ERC2: variants seen among roughly 807,000 people sequenced by gnomAD.
ERC2 encodes the protein ELKS/RAB6-interacting/CAST family member 2, also known as ERC protein 2.
A neutral mutation model predicts 114.8 loss-of-function variants in ERC2; 42 were observed. That is an observed-to-expected ratio of 0.37 (90% CI 0.29 to 0.47). The LOEUF (loss-of-function observed/expected upper bound fraction) is 0.47, where lower values mean the gene tolerates loss of function less well. Among genes scored for constraint, ERC2 ranks in the 20% least tolerant of loss-of-function variants. The pLI, the probability that ERC2 is intolerant of heterozygous loss-of-function variation, is 0.99. For synonymous variants in ERC2, 454 were observed against 425.5 expected, an observed-to-expected ratio of 1.07 and a Z score of -0.82; for missense variants, 939 against 1,150.7, an observed-to-expected ratio of 0.82 and a Z score of 2.66.
intron 15 of ERC2, among the ~76,000 whole-genome samples, chr3:55,705,046 G>A (rs1484302718): frequency 6.6e-6 from 1 of 152,156 alleles, no homozygotes; most frequent in Non-Finnish European, 1.5e-5. Flanking sequence ...GAGTCCTACA[G>A]CAGTGTCATG....
At position 56,434,731 on chromosome 3, in the gene ERC2, C is replaced by T. The variant is rs372270187; in HGVS notation, c.277G>A (p.Gly93Ser). Residue 93 changes from glycine (G) to serine (S), a missense_variant, in exon 2 of 18, where the codon GGC (glycine) becomes AGC (serine). Physicochemically the swap from Gly to Ser is moderately conservative, Grantham distance 56 (BLOSUM62 0). Transcript: ENST00000288221. ...GRATNRAVYG[G>S]RVTAMGSSPN... The stretch of plus-strand genomic sequence containing the variant: ...CTACTCCCCATGGCTGTGACACGGC[C>T]TCCATATACAGCTCGATTTGTAGCC... 1.2e-6 allele frequency: 2 copies of T among 1,613,850 alleles called. No homozygotes were observed. Among genetic ancestry groups the T allele is most frequent in the Non-Finnish European group, 1.7e-6 (2 of 1,179,896 alleles).
chr3:56,222,624 C>T (rs1374444676), intron 3 of ERC2, among the ~76,000 whole-genome samples: 12 of 152,096 alleles, frequency 7.9e-5, no homozygotes, highest in African/African-American at 2.7e-4. Flanking sequence ...ATTTTTGGCT[C>T]CCCTAGAATG....
chr3:56,187,668 G>A (rs2083708342), intron 3 of ERC2, among the ~76,000 whole-genome samples: 1 of 152,152 alleles, frequency 6.6e-6, no homozygotes, highest in African/African-American at 2.4e-5. Context: ...GTTATAGACA[G>A]CAGTCAGAAA....
chr3:55,960,877 G>A (rs1812146), intron 12 of ERC2, among the ~76,000 whole-genome samples: 37,055 of 152,274 alleles, frequency 0.24, 5,054 homozygotes, highest in Admixed American at 0.33. Flanking sequence ...GCTCATGCCT[G>A]TAATCCTAGC....
At chr3:55,717,554 T>C (rs2064196363) in intron 15 of ERC2, among the ~76,000 whole-genome samples, 1 of 152,176 alleles carries the variant, frequency 6.6e-6, no homozygotes, top group South Asian at 2.1e-4. Context: ...AGCAGGCACA[T>C]ATACTAACTT....
chr3:55,553,123 G>A (rs2055343951), intron 17 of ERC2, among the ~76,000 whole-genome samples: 2 of 137,194 alleles, frequency 1.5e-5, no homozygotes, highest in African/African-American at 5.3e-5. Flanking sequence ...CCAGGTTCAA[G>A]TGATGCTCCT....
chr3:55,984,762 C>A (rs1034402945), intron 12 of ERC2, among the ~76,000 whole-genome samples: 9 of 152,138 alleles, frequency 5.9e-5, no homozygotes, highest in African/African-American at 1.7e-4. Context: ...CGCTTTCCTG[C>A]ACCGCGATGA....
In ERC2 at chr3:56,313,132, A is replaced by G. The variant is rs1313589956; in HGVS notation, c.658-16697T>C. 2.7e-5 allele frequency among the ~76,000 whole-genome samples: 4 copies of G among 148,070 alleles called. No individual in the cohort carries two copies. In the East Asian group the frequency reaches 8.0e-4, roughly 30 times the overall value. ...CAGCATACCATAAAAAAGTAATATG[A>G]ATGGACAAAAAAAAAAGAGAGGAAA... is the stretch of plus-strand genomic sequence containing the variant. On this transcript the variant is annotated intron_variant, in intron 2 of 17. Transcript: ENST00000288221.
At chr3:55,880,245 C>T (rs2063055176) in intron 14 of ERC2, among the ~76,000 whole-genome samples, 1 of 152,166 alleles carries the variant, frequency 6.6e-6, no homozygotes, top group Non-Finnish European at 1.5e-5. Context: ...CTAGTGATTA[C>T]AAAGCTACTT....
At chr3:56,131,196 AT>A (rs1040703087) in intron 6 of ERC2, among the ~76,000 whole-genome samples, 15 of 152,272 alleles carry the variant, frequency 9.9e-5, no homozygotes, top group African/African-American at 3.4e-4. Flanking sequence ...TTGCAGGTTT[AT>A]GTCTTTTTCT....
At chr3:55,878,786 A>C (rs577482696) in intron 14 of ERC2, among the ~76,000 whole-genome samples, 171 of 152,350 alleles carry the variant, frequency 1.1e-3, no homozygotes, top group African/African-American at 3.9e-3. Context: ...ACTGGATAGC[A>C]TATATGCCTG....
At chr3:56,369,270 C>G (rs2059270833) in intron 2 of ERC2, among the ~76,000 whole-genome samples, 1 of 152,200 alleles carries the variant, frequency 6.6e-6, no homozygotes, top group Admixed American at 6.5e-5. Flanking sequence ...AGTACCCACT[C>G]CTTTGATCTT....
At chr3:56,256,503 A>G (rs149463579) in intron 3 of ERC2, among the ~76,000 whole-genome samples, 1 of 152,200 alleles carries the variant, frequency 6.6e-6, no homozygotes, top group East Asian at 1.9e-4. Flanking sequence ...GGAAAACTTC[A>G]TAATTTATCT....
intron 3 of ERC2, among the ~76,000 whole-genome samples, chr3:56,227,545 GC>G (rs1391411120): frequency 1.3e-5 from 2 of 151,866 alleles, no homozygotes; most frequent in East Asian, 1.9e-4. Context: ...CCGAACAGAA[GC>G]CCCCCTGACT....
intron 16 of ERC2, among the ~76,000 whole-genome samples, chr3:55,687,126 A>G (rs2062374471): frequency 6.6e-6 from 1 of 152,152 alleles, no homozygotes; most frequent in African/African-American, 2.4e-5. Flanking sequence ...GATAAAACAA[A>G]ATTCCTCACC....
At chr3:56,174,206 C>G (rs2082842865) in intron 3 of ERC2, among the ~76,000 whole-genome samples, 1 of 152,150 alleles carries the variant, frequency 6.6e-6, no homozygotes, top group Non-Finnish European at 1.5e-5. Flanking sequence ...CGATGATGAA[C>G]ATTTCTTTAG....
At chr3:56,175,174 G>A (rs1199064770) in intron 3 of ERC2, among the ~76,000 whole-genome samples, 1 of 152,186 alleles carries the variant, frequency 6.6e-6, no homozygotes, top group African/African-American at 2.4e-5. Context: ...CCAAGGACCA[G>A]TGTGGGGGAG....
At chr3:56,451,693 T>C (rs1181245623) in intron 1 of ERC2, among the ~76,000 whole-genome samples, 1 of 152,232 alleles carries the variant, frequency 6.6e-6, no homozygotes, top group Non-Finnish European at 1.5e-5. Context: ...ATGGTAGGCT[T>C]ATCTAACATA....
chr3:56,258,669 A>G (rs2052695262), intron 3 of ERC2, among the ~76,000 whole-genome samples: 1 of 152,104 alleles, frequency 6.6e-6, no homozygotes, highest in African/African-American at 2.4e-5. Flanking sequence ...AACAAAACAA[A>G]CAAACAAACA....
Sources: gnomAD v4.1 joint callset for allele counts (sites outside exome capture counted in the v4.1 genomes callset) on GRCh38, gnomAD v4.1.1 for gene constraint, MANE v1.5 for transcripts, NCBI Gene and HGNC (gene_info 2026-07-23, HGNC 2026-07-21) for gene names.